The following TENM3 variants were observed in gnomAD, a reference collection of about 807,000 sequenced individuals.
TENM3 encodes the protein teneurin-3.
A neutral mutation model predicts 255.1 loss-of-function variants in TENM3; 63 were observed. That is an observed-to-expected ratio of 0.25 (90% CI 0.20 to 0.30). The LOEUF (loss-of-function observed/expected upper bound fraction) is 0.30, where lower values mean the gene tolerates loss of function less well. TENM3 is among the 10% of genes least tolerant of loss of function. The pLI is 1.00. For missense variants in TENM3, 2,929 were observed against 3,461.1 expected, an observed-to-expected ratio of 0.85 and a Z score of 3.86; for synonymous variants, 1,306 against 1,322.3, an observed-to-expected ratio of 0.99 and a Z score of 0.27.
the TENM3 span, among the ~76,000 whole-genome samples, chr4:181,483,983 T>G: frequency 3.9e-5 from 6 of 152,298 alleles, no homozygotes; most frequent in South Asian, 1.2e-3. Context: ...TCACAAACTT[T>G]AAGCTATTTT....
At chr4:182,201,102 G>A (rs2149829390) in intron 1 of TENM3, among the ~76,000 whole-genome samples, 1 of 152,190 alleles carries the variant, frequency 6.6e-6, no homozygotes, top group South Asian at 2.1e-4. Flanking sequence ...TAGGATTATA[G>A]GTGTGAGCCA....
chr4:181,483,806 T>C, the TENM3 span, among the ~76,000 whole-genome samples: 14 of 152,252 alleles, frequency 9.2e-5, no homozygotes, highest in African/African-American at 3.1e-4. Flanking sequence ...CAAAAGGCTA[T>C]GCGGTAATTG....
At chr4:182,586,933 G>C (rs562638796) in intron 3 of TENM3, among the ~76,000 whole-genome samples, 3 of 152,222 alleles carry the variant, frequency 2.0e-5, no homozygotes, top group African/African-American at 7.2e-5. Context: ...CTTTATCTGT[G>C]TGCTCTTCAA....
intron 1 of TENM3, among the ~76,000 whole-genome samples, chr4:182,156,344 T>C (rs1750699266): frequency 6.6e-6 from 1 of 152,172 alleles, no homozygotes; most frequent in African/African-American, 2.4e-5. Flanking sequence ...TTTTTTCTTT[T>C]CTTTTTTTGA....
At chr4:182,096,766 C>T in the TENM3 span, among the ~76,000 whole-genome samples, 1 of 152,080 alleles carries the variant, frequency 6.6e-6, no homozygotes, top group Non-Finnish European at 1.5e-5. Flanking sequence ...GCAGGAAATT[C>T]AAAAGACAGA....
the TENM3 span, among the ~76,000 whole-genome samples, chr4:181,831,280 A>G: frequency 6.6e-6 from 1 of 152,020 alleles, no homozygotes; most frequent in Non-Finnish European, 1.5e-5. Flanking sequence ...GTTTTTGGTA[A>G]TCTCTTGATT....
the TENM3 span, among the ~76,000 whole-genome samples, chr4:181,602,680 T>C: frequency 6.6e-6 from 1 of 152,198 alleles, no homozygotes; most frequent in African/African-American, 2.4e-5. Context: ...AGTTATTCTT[T>C]GTATGGTACA....
At chr4:181,646,032 A>C in the TENM3 span, among the ~76,000 whole-genome samples, 317 of 152,336 alleles carry the variant, frequency 2.1e-3, 3 homozygotes, top group African/African-American at 7.3e-3. Context: ...GGTGCAGGCA[A>C]ACTATGGACA....
chr4:181,819,980 T>C, the TENM3 span: 32 of 149,604 alleles, frequency 2.1e-4, no homozygotes, highest in South Asian at 6.4e-4. Flanking sequence ...CTATGAGTAG[T>C]AATACTAAAA....
At chr4:181,787,246 G>A in the TENM3 span, among the ~76,000 whole-genome samples, 4 of 151,940 alleles carry the variant, frequency 2.6e-5, no homozygotes, top group African/African-American at 9.7e-5. Flanking sequence ...ACTCTTTGTG[G>A]CAATTAAGAT....
At chr4:182,193,605 G>A (rs1365807131) in intron 1 of TENM3, among the ~76,000 whole-genome samples, 1 of 152,196 alleles carries the variant, frequency 6.6e-6, no homozygotes, top group Non-Finnish European at 1.5e-5. Context: ...CATCTGAGCA[G>A]CATTTTCATC....
chr4:181,928,219 T>C, the TENM3 span, among the ~76,000 whole-genome samples: 1 of 151,838 alleles, frequency 6.6e-6, no homozygotes, highest in Non-Finnish European at 1.5e-5. Flanking sequence ...AGGTGGGTAA[T>C]AACAAACTCC....
chr4:182,413,032 T>C lies in TENM3; in HGVS notation c.511+66103T>C, dbSNP rs146082113. On this transcript the variant is annotated intron_variant, in intron 3 of 27. Transcript: ENST00000511685. Reference sequence around the variant, plus strand: ...GAAAAAATTATGTTGACCTGACAAGTAGTGTTAAGGAATTCCACCTTATAC... The same window carrying C: ...GAAAAAATTATGTTGACCTGACAAGCAGTGTTAAGGAATTCCACCTTATAC... Among the ~76,000 whole-genome samples, 235 of 152,100 alleles carry C rather than the reference T, an allele frequency of 1.5e-3. 1 individual carries two copies. The highest frequency in any genetic ancestry group is 6.8e-3 in the Middle Eastern group (2 of 294).
rs1223788941 is a variant in TENM3 at position 182,802,205 on chromosome 4, A to G, written c.*1854A>G. On this transcript the variant is annotated 3_prime_UTR_variant, in exon 28 of 28. Transcript: ENST00000511685. ...CTATTACTGTCTTTGTGTATTTGGT[A>G]GAGCATACCGAAGTAATTAATCTTC... The G allele has an allele frequency of 6.5e-6, 1 of 152,682 alleles. No individual in the cohort carries two copies. The highest frequency in any genetic ancestry group is 2.4e-5 in the African/African-American group (1 of 41,468). The allele number at this position is 152,682 out of a possible 1,614,324, so 9.5% of individuals were successfully genotyped here.
chr4:182,639,987 G>A (rs1247684382), intron 5 of TENM3, among the ~76,000 whole-genome samples: 5 of 152,212 alleles, frequency 3.3e-5, no homozygotes, highest in African/African-American at 1.2e-4. Flanking sequence ...CTACTCGGGA[G>A]GCTGAGGCAG....
At chr4:182,201,984 G>A (rs1466168326) in intron 1 of TENM3, among the ~76,000 whole-genome samples, 1 of 152,204 alleles carries the variant, frequency 6.6e-6, no homozygotes, top group Non-Finnish European at 1.5e-5. Flanking sequence ...AGTTCTTTAT[G>A]TAATCATAGT....
At chr4:181,767,956 GC>G in the TENM3 span, among the ~76,000 whole-genome samples, 127,633 of 151,718 alleles carry the variant, frequency 0.84, 54,910 homozygotes, top group Non-Finnish European at 0.94. Context: ...GTAACTGATT[GC>G]AAAATTTAAA....
At chr4:181,700,708 G>A in the TENM3 span, among the ~76,000 whole-genome samples, 2 of 152,136 alleles carry the variant, frequency 1.3e-5, no homozygotes, top group Non-Finnish European at 2.9e-5. Flanking sequence ...ATTTCAAAAA[G>A]TAAAGTCCCC....
At chr4:182,192,997 T>C (rs1753615289) in intron 1 of TENM3, among the ~76,000 whole-genome samples, 1 of 152,202 alleles carries the variant, frequency 6.6e-6, no homozygotes, top group African/African-American at 2.4e-5. Flanking sequence ...ACTCACCTAA[T>C]CTTCCTATCA....
Sources: gnomAD v4.1 joint callset for allele counts (sites outside exome capture counted in the v4.1 genomes callset) on GRCh38, gnomAD v4.1.1 for gene constraint, MANE v1.5 for transcripts, NCBI Gene and HGNC (gene_info 2026-07-23, HGNC 2026-07-21) for gene names.